The following IPO11 variants were observed in gnomAD, a reference collection of about 807,000 sequenced individuals.
IPO11 encodes importin-11.
Under a neutral mutation model 143.2 loss-of-function variants are expected in IPO11, and 66 were observed. The observed-to-expected ratio is 0.46, with a 90% CI of 0.38 to 0.57. The LOEUF is 0.57. Ranked by LOEUF, IPO11 falls within the 20% of genes least tolerant of loss-of-function variation. IPO11 has a pLI of 0.00. For synonymous variants in IPO11, 385 were observed against 377.8 expected (o/e 1.02, Z -0.22); for missense variants, 1,026 against 1,141.0 (o/e 0.90, Z 1.45).
intron 2 of IPO11, 135 bp from the exon 3 acceptor site, chr5:62,442,848 G>A (rs1744541001): frequency 1.1e-5 from 5 of 467,938 alleles, no homozygotes; most frequent in Non-Finnish European, 1.8e-5. Context: ...TGGGCGACGA[G>A]AGTGAAACTG....
chr5:62,586,962 T>C (rs1353267254), intron 27 of IPO11, among the ~76,000 whole-genome samples: 1 of 151,288 alleles, frequency 6.6e-6, no homozygotes, highest in Non-Finnish European at 1.5e-5. Flanking sequence ...TCAAACCAAG[T>C]GTTTTTATTC....
chr5:62,488,983 G>A (rs1746511118), intron 13 of IPO11, among the ~76,000 whole-genome samples: 1 of 152,194 alleles, frequency 6.6e-6, no homozygotes, highest in Non-Finnish European at 1.5e-5. Context: ...ACTCCAGCCT[G>A]GGTGACAAAG....
At chr5:62,597,750 G>A (rs1187211612) in intron 28 of IPO11, among the ~76,000 whole-genome samples, 2 of 152,180 alleles carry the variant, frequency 1.3e-5, no homozygotes, top group East Asian at 3.9e-4. Flanking sequence ...TTCTCACTGA[G>A]TTGTCATGCC....
intron 9 of IPO11, among the ~76,000 whole-genome samples, chr5:62,480,906 A>ATTTTTTTTT (rs34947365): frequency 1.2e-5 from 1 of 84,964 alleles, no homozygotes; most frequent in African/African-American, 5.0e-5. Flanking sequence ...TTCCTCTTTC[A>ATTTTTTTTT]TTTTTTTTTT....
intron 24 of IPO11, among the ~76,000 whole-genome samples, chr5:62,542,804 C>T (rs559819923): frequency 4.6e-5 from 7 of 152,190 alleles, no homozygotes; most frequent in South Asian, 2.1e-4. Flanking sequence ...ATATTACAGC[C>T]GTACTACTAT....
chr5:62,557,003 C>T (rs369794422), intron 26 of IPO11, among the ~76,000 whole-genome samples: 52 of 152,226 alleles, frequency 3.4e-4, no homozygotes, highest in Middle Eastern at 6.8e-3. Context: ...TTCACATGTC[C>T]AGCCCTTTCT....
chr5:62,616,879 G>A (rs574081041), intron 29 of IPO11, among the ~76,000 whole-genome samples: 1 of 152,102 alleles, frequency 6.6e-6, no homozygotes, highest in Non-Finnish European at 1.5e-5. Context: ...ATCACATTTT[G>A]TCATTTCTAT....
At chr5:62,521,536 G>A (rs1742200899) in intron 20 of IPO11, among the ~76,000 whole-genome samples, 1 of 152,088 alleles carries the variant, frequency 6.6e-6, no homozygotes, top group Admixed American at 6.6e-5. Flanking sequence ...TTCATGATGG[G>A]AGTGCCTTTT....
intron 27 of IPO11, among the ~76,000 whole-genome samples, chr5:62,586,979 ATT>A (rs201182611): frequency 1.4e-5 from 2 of 144,172 alleles, no homozygotes; most frequent in Non-Finnish European, 1.5e-5. Flanking sequence ...ATTCAGCTGA[ATT>A]TTTTTTTTTT....
intron 29 of IPO11, among the ~76,000 whole-genome samples, chr5:62,620,453 A>C (rs970449104): frequency 1.4e-5 from 2 of 144,864 alleles, no homozygotes; most frequent in African/African-American, 2.6e-5. Context: ...CGGGAGGCGG[A>C]GCTTGCGGTG....
Position 62,425,290 on chromosome 5 carries a change from C to T in IPO11, c.-6-11984C>T, listed in dbSNP as rs1743689852. ...TTTGGAATGTGGTACTTCTTACCATCAGGTGGCACTGCAGACTATTCAATT... is the reference window on the plus strand; with the variant it reads ...TTTGGAATGTGGTACTTCTTACCATTAGGTGGCACTGCAGACTATTCAATT... On this transcript the variant is annotated intron_variant, in intron 1 of 29. Coordinates refer to ENST00000325324, the MANE Select transcript of IPO11 (RefSeq NM_016338.5). Among the ~76,000 whole-genome samples, 2 of 152,178 alleles carry T rather than the reference C, an allele frequency of 1.3e-5. 1 individual carries two copies. The highest frequency in any genetic ancestry group is 4.1e-4 in the South Asian group (2 of 4,828).
chr5:62,570,478 T>C (rs1236499288), intron 27 of IPO11, among the ~76,000 whole-genome samples: 1 of 152,220 alleles, frequency 6.6e-6, no homozygotes, highest in East Asian at 1.9e-4. Context: ...TCTTCTGATA[T>C]CAACCTTATG....
chr5:62,507,079 A>G (rs1741578291), intron 19 of IPO11, among the ~76,000 whole-genome samples: 1 of 152,220 alleles, frequency 6.6e-6, no homozygotes, highest in Admixed American at 6.5e-5. Context: ...TTAATTATTG[A>G]CTAATGACAA....
At chr5:62,465,530 CTT>C (rs1561322103) in intron 5 of IPO11, among the ~76,000 whole-genome samples, 1 of 152,142 alleles carries the variant, frequency 6.6e-6, no homozygotes, top group Non-Finnish European at 1.5e-5. Context: ...CTTTCAAACT[CTT>C]TTTATGATAC....
intron 29 of IPO11, among the ~76,000 whole-genome samples, chr5:62,613,298 C>CTTTTTT (rs372608086): frequency 0.015 from 1,031 of 68,536 alleles, 10 homozygotes; most frequent in Non-Finnish European, 0.02. Flanking sequence ...ACATGCTCTT[C>CTTTTTT]TTTTTTTTTT....
At chr5:62,512,224 G>A in intron 19 of IPO11, 1 of 1,336,906 alleles carries the variant, frequency 7.5e-7, no homozygotes, top group Non-Finnish European at 1.1e-6. Context: ...GCTTGAGGCT[G>A]AAAAGTAGCT....
chr5:62,438,316 A>G (rs1289475984), intron 2 of IPO11, among the ~76,000 whole-genome samples: 2 of 152,246 alleles, frequency 1.3e-5, no homozygotes, highest in Non-Finnish European at 2.9e-5. Flanking sequence ...GAATATAACA[A>G]AAAAGATGGC....
chr5:62,541,091 G>A lies in IPO11; in HGVS notation c.2250+3802G>A, dbSNP rs115165229. On this transcript the variant is annotated intron_variant, in intron 24 of 29. Transcript: ENST00000325324. ...AATAATTAATAATTGTATTTTGGTC[G>A]CCAGGTGCCGTGGCTCAGGCCTGTA... Among the ~76,000 whole-genome samples the A allele has an allele frequency of 9.6e-3, 1,466 of 152,206 alleles. 23 individuals carry two copies. Among genetic ancestry groups the A allele is most frequent in the African/African-American group, 0.034 (1,412 of 41,520 alleles).
intron 9 of IPO11, among the ~76,000 whole-genome samples, chr5:62,482,003 C>G (rs572279684): frequency 3.9e-4 from 60 of 152,312 alleles, no homozygotes; most frequent in Admixed American, 1.6e-3. Context: ...CAGCTTCTAA[C>G]TGGTTTAGTC....
Sources: allele counts gnomAD v4.1 joint callset (sites outside exome capture counted in the v4.1 genomes callset), GRCh38; gene constraint gnomAD v4.1.1; transcripts MANE v1.5; gene names NCBI Gene and HGNC (gene_info 2026-07-23, HGNC 2026-07-21).